The following PSD3 variants were observed in gnomAD, a reference collection of about 807,000 sequenced individuals.
The protein encoded by PSD3 is PH and SEC7 domain-containing protein 3.
In PSD3, 49 loss-of-function variants were observed where a neutral mutation model predicts 105.5. That is an observed-to-expected ratio of 0.46 (90% CI 0.37 to 0.59). The LOEUF (loss-of-function observed/expected upper bound fraction) is 0.59, where lower values mean the gene tolerates loss of function less well. PSD3 is among the 20% of genes least tolerant of loss of function. The probability of loss-of-function intolerance (pLI) is 0.00; values close to 1 mark genes in which losing one functional copy is unlikely to be tolerated. For missense variants in PSD3, 1,561 were observed against 1,263.8 expected, an observed-to-expected ratio of 1.24 and a Z score of -3.57; for synonymous variants, 557 against 457.8, an observed-to-expected ratio of 1.22 and a Z score of -2.77.
intron 8 of PSD3, among the ~76,000 whole-genome samples, chr8:18,790,651 C>T (rs146300826): frequency 6.6e-6 from 1 of 152,192 alleles, no homozygotes; most frequent in East Asian, 1.9e-4. Flanking sequence ...GGTTCTCAGG[C>T]TATTCTCTAT....
Position 18,941,982 on chromosome 8 carries a change from G to T in PSD3, c.22-5840C>A, listed in dbSNP as rs560579723. ...TGAGCTGCCACACCCAGCCTAGAAT[G>T]ATTCTTTTAATTAATTGTTTAGCTG... On this transcript the variant is annotated intron_variant, in intron 1 of 15. Coordinates refer to ENST00000327040, the MANE Select transcript of PSD3 (RefSeq NM_015310.4). 2.0e-5 allele frequency among the ~76,000 whole-genome samples: 3 copies of T among 152,170 alleles called. No individual in the cohort carries two copies. The South Asian group carries it at 6.2e-4, about 32-fold the overall frequency.
chr8:18,828,515 T>C (rs1357085176), intron 4 of PSD3, among the ~76,000 whole-genome samples: 1 of 152,138 alleles, frequency 6.6e-6, no homozygotes, highest in Non-Finnish European at 1.5e-5. Flanking sequence ...AAAGTCAAAC[T>C]ACTGGCCAGG....
intron 9 of PSD3, among the ~76,000 whole-genome samples, chr8:18,758,586 A>C (rs1307975915): frequency 6.6e-6 from 1 of 152,212 alleles, no homozygotes; most frequent in African/African-American, 2.4e-5. Flanking sequence ...AAAAAGCCTA[A>C]TGGTTACAAA....
intron 9 of PSD3, among the ~76,000 whole-genome samples, chr8:18,750,024 C>A (rs1805343140): frequency 6.6e-6 from 1 of 152,206 alleles, no homozygotes; most frequent in Non-Finnish European, 1.5e-5. Context: ...AAACCCAAAC[C>A]TCTAACCCAC....
chr8:18,897,917 A>T (rs1819256158), intron 2 of PSD3, among the ~76,000 whole-genome samples: 1 of 152,154 alleles, frequency 6.6e-6, no homozygotes, highest in African/African-American at 2.4e-5. Context: ...AAGCTTTCAT[A>T]GTTTTATTTA....
At chr8:18,644,100 C>G (rs1807855182) in intron 10 of PSD3, among the ~76,000 whole-genome samples, 3 of 152,210 alleles carry the variant, frequency 2.0e-5, no homozygotes, top group Admixed American at 2.0e-4. Context: ...CCTCAAAGAT[C>G]TCTGAAATGT....
Position 18,601,708 on chromosome 8 carries a change from A to G in PSD3, c.2411-1274T>C, listed in dbSNP as rs188924236. ...ACATATAACCAAAAAAAAGCATACC[A>G]TTATTTCCGTTATAAAGCAAAAAAG... On this transcript the variant is annotated intron_variant, in intron 11 of 15. Coordinates refer to ENST00000327040, the MANE Select transcript of PSD3 (RefSeq NM_015310.4). Among the ~76,000 whole-genome samples, 5 of 152,372 alleles carry G rather than the reference A, an allele frequency of 3.3e-5. No homozygotes were observed. The East Asian group carries it at 9.6e-4, about 29-fold the overall frequency.
intron 15 of PSD3, among the ~76,000 whole-genome samples, chr8:18,555,917 T>C (rs1361720383): frequency 2.0e-5 from 3 of 152,148 alleles, no homozygotes; most frequent in Non-Finnish European, 4.4e-5. Flanking sequence ...CACCCTGGTG[T>C]GTCCCTCTAC....
intron 9 of PSD3, among the ~76,000 whole-genome samples, chr8:18,675,687 T>C (rs1056586965): frequency 3.3e-5 from 5 of 152,134 alleles, no homozygotes; most frequent in African/African-American, 7.2e-5. Flanking sequence ...CATCGGAACA[T>C]GGTACAGTGG....
intron 1 of PSD3, among the ~76,000 whole-genome samples, chr8:18,936,545 C>T (rs2129469112): frequency 6.6e-6 from 1 of 152,196 alleles, no homozygotes; most frequent in Admixed American, 6.6e-5. Context: ...AGGTGGATCA[C>T]GATGTCAGGA....
At chr8:18,758,973 ACAATTTAATT>A (rs1436617364) in intron 9 of PSD3, among the ~76,000 whole-genome samples, 1 of 152,108 alleles carries the variant, frequency 6.6e-6, no homozygotes, top group African/African-American at 2.4e-5. Flanking sequence ...AGACTATGTA[ACAATTTAATT>A]CACTGTTTTT....
At chr8:18,825,915 G>A (rs532747588) in intron 4 of PSD3, among the ~76,000 whole-genome samples, 2 of 152,104 alleles carry the variant, frequency 1.3e-5, no homozygotes, top group Non-Finnish European at 2.9e-5. Flanking sequence ...AACTTGACTG[G>A]GCCACAGGAT....
At chr8:19,030,919 G>A (rs941888366) in intron 1 of PSD3, among the ~76,000 whole-genome samples, 12 of 152,140 alleles carry the variant, frequency 7.9e-5, no homozygotes, top group African/African-American at 2.7e-4. Context: ...ATTTCTAAAC[G>A]TAACTCCTTG....
At chr8:18,939,186 T>C (rs1822357812) in intron 1 of PSD3, among the ~76,000 whole-genome samples, 1 of 152,212 alleles carries the variant, frequency 6.6e-6, no homozygotes, top group Admixed American at 6.5e-5. Context: ...AGGTTCCCCT[T>C]GAGCAAGGAT....
At position 18,935,693 on chromosome 8, in the gene PSD3, C is replaced by A. The variant is rs1165012567; in HGVS notation, c.130+341G>T. ...CTTGGATGACAGAGCAAGACTTTGT[C>A]TCAAAAAAAAAAAAACCACCAAAAA... On this transcript the variant is annotated intron_variant, in intron 2 of 15. Transcript: ENST00000327040. Among the ~76,000 whole-genome samples the A allele has an allele frequency of 1.3e-4, 8 of 59,786 alleles. No individual in the cohort carries two copies. The Admixed American group carries it at 1.7e-3, about 13-fold the overall frequency. The allele number at this position is 59,786 out of a possible 152,430, so 39.2% of individuals were successfully genotyped here.
At chr8:18,572,756 C>A in intron 13 of PSD3, 84 bp from the exon 14 acceptor site, 1 of 1,457,000 alleles carries the variant, frequency 6.9e-7, no homozygotes, top group Non-Finnish European at 9.4e-7. Flanking sequence ...TACTGATTTG[C>A]AATGGCATGT....
At chr8:18,772,310 T>A (rs1160358076) in intron 8 of PSD3, among the ~76,000 whole-genome samples, 1 of 152,204 alleles carries the variant, frequency 6.6e-6, no homozygotes, top group African/African-American at 2.4e-5. Flanking sequence ...CCCTCCAAGC[T>A]ATTTTCCACA....
intron 14 of PSD3, among the ~76,000 whole-genome samples, chr8:18,558,974 A>T (rs148693376): frequency 1.3e-5 from 2 of 152,314 alleles, no homozygotes; most frequent in African/African-American, 4.8e-5. Flanking sequence ...TCTTTTAAAC[A>T]TTGCATAGTA....
chr8:19,041,577 G>T (rs1012100935), intron 1 of PSD3, among the ~76,000 whole-genome samples: 1 of 152,216 alleles, frequency 6.6e-6, no homozygotes, highest in Non-Finnish European at 1.5e-5. Context: ...ACTTTTCAAA[G>T]CTGTAACTAC....
Sources: gnomAD v4.1 joint callset for allele counts (sites outside exome capture counted in the v4.1 genomes callset) on GRCh38, gnomAD v4.1.1 for gene constraint, MANE v1.5 for transcripts, NCBI Gene and HGNC (gene_info 2026-07-23, HGNC 2026-07-21) for gene names.